The following PCDHA5 variants were observed in gnomAD, a reference collection of about 807,000 sequenced individuals.
PCDHA5 encodes protocadherin alpha 5, also known as protocadherin alpha-5.
Under a neutral mutation model 61.6 loss-of-function variants are expected in PCDHA5, and 43 were observed. The observed-to-expected ratio is 0.70, with a 90% CI of 0.55 to 0.90. PCDHA5 has a LOEUF of 0.90. Ranked by LOEUF, PCDHA5 falls within the 40% of genes least tolerant of loss-of-function variation. The pLI, the probability that PCDHA5 is intolerant of heterozygous loss-of-function variation, is 0.00. For missense variants in PCDHA5, 1,298 were observed against 1,222.7 expected, an observed-to-expected ratio of 1.06 and a Z score of -0.92; for synonymous variants, 627 against 543.9, an observed-to-expected ratio of 1.15 and a Z score of -2.13.
chr5:140,860,136 T>C (rs2150487566), intron 1 of PCDHA5: 1 of 150,532 alleles, frequency 6.6e-6, no homozygotes, highest in East Asian at 2.0e-4. Context: ...TGTGTGTGTA[T>C]ATATATGTAT....
intron 1 of PCDHA5, among the ~76,000 whole-genome samples, chr5:140,888,588 C>G (rs1419931317): frequency 6.6e-6 from 1 of 152,212 alleles, no homozygotes; most frequent in Non-Finnish European, 1.5e-5. Flanking sequence ...TGTTAGTACA[C>G]ATTCAGAGCA....
At chr5:140,899,431 T>C (rs1271468350) in intron 1 of PCDHA5, among the ~76,000 whole-genome samples, 2 of 152,242 alleles carry the variant, frequency 1.3e-5, no homozygotes, top group Non-Finnish European at 2.9e-5. Context: ...AGGTCTTTTC[T>C]GCATCTATTG....
intron 1 of PCDHA5, chr5:140,841,579 G>T: frequency 6.2e-7 from 1 of 1,614,044 alleles, no homozygotes; most frequent in South Asian, 1.1e-5. Context: ...TTTTGTTTGT[G>T]AATTCTCGGA....
At chr5:140,859,674 A>G (rs1480845911) in intron 1 of PCDHA5, 1 of 154,702 alleles carries the variant, frequency 6.5e-6, no homozygotes. Flanking sequence ...ATAGCTTCAA[A>G]TAAAATTAAA....
intron 1 of PCDHA5, chr5:140,857,582 G>T: frequency 6.3e-7 from 1 of 1,596,726 alleles, no homozygotes; most frequent in Non-Finnish European, 8.6e-7. Flanking sequence ...GGTGCACGCG[G>T]AGAGCGGCAA....
Position 140,823,591 on chromosome 5 carries a change from C to G in PCDHA5, c.1816C>G (p.Leu606Val). Reference protein sequence around the residue: ...VDPDSGYNAWLSYELQPAPGS... With the variant: ...VDPDSGYNAWVSYELQPAPGS... ...CCCTGATTCGGGCTACAACGCTTGG[C>G]TTTCGTATGAGCTGCAGCCAGCGCC... Residue 606 changes from leucine to valine, a missense_variant, in exon 1 of 4, where the codon CTT becomes GTT. By Grantham distance (32) the Leu-to-Val change is conservative. Coordinates refer to ENST00000529859, the MANE Select transcript of PCDHA5 (RefSeq NM_018908.3). The G allele has an allele frequency of 6.2e-7, 1 of 1,614,004 alleles. No individual in the cohort carries two copies. The highest frequency in any genetic ancestry group is 8.5e-7 in the Non-Finnish European group (1 of 1,179,928).
At chr5:140,839,269 T>TA (rs1554137370) in intron 1 of PCDHA5, among the ~76,000 whole-genome samples, 3 of 152,098 alleles carry the variant, frequency 2.0e-5, no homozygotes, top group African/African-American at 7.2e-5. Flanking sequence ...CATGTATATT[T>TA]AAAACCTTCC....
intron 1 of PCDHA5, chr5:140,843,360 C>T (rs2150358233): frequency 3.1e-6 from 5 of 1,595,970 alleles, no homozygotes; most frequent in East Asian, 2.2e-5. Context: ...AAAGCGTCAT[C>T]GAGGCAGTCG....
chr5:140,928,592 T>G (rs781970359), intron 1 of PCDHA5: 1 of 1,614,178 alleles, frequency 6.2e-7, no homozygotes, highest in Non-Finnish European at 8.5e-7. Context: ...TCTGTCCCAG[T>G]GGAAATTGTG....
intron 1 of PCDHA5, among the ~76,000 whole-genome samples, chr5:140,886,642 A>T (rs1412113366): frequency 6.6e-6 from 1 of 152,048 alleles, no homozygotes; most frequent in African/African-American, 2.4e-5. Flanking sequence ...CCTGGCCAAC[A>T]TGGTGAAACC....
At chr5:140,825,993 T>TA (rs1348661187) in intron 1 of PCDHA5, 1 of 152,282 alleles carries the variant, frequency 6.6e-6, no homozygotes, top group East Asian at 1.9e-4. Context: ...TTATAGGTAG[T>TA]AAATAGTCCA....
chr5:140,956,009 C>G (rs1479377959), intron 1 of PCDHA5, among the ~76,000 whole-genome samples: 1 of 152,192 alleles, frequency 6.6e-6, no homozygotes, highest in Non-Finnish European at 1.5e-5. Context: ...TATCCTGAGA[C>G]TTTGCTGAAG....
intron 1 of PCDHA5, among the ~76,000 whole-genome samples, chr5:140,890,921 T>G (rs1165166836): frequency 6.6e-6 from 1 of 152,222 alleles, no homozygotes; most frequent in Non-Finnish European, 1.5e-5. Flanking sequence ...ATTTGAGAGT[T>G]TCCTTTAGTC....
intron 1 of PCDHA5, among the ~76,000 whole-genome samples, chr5:140,914,381 T>C (rs192645626): frequency 1.7e-4 from 26 of 152,352 alleles, no homozygotes; most frequent in Admixed American, 2.6e-4. Flanking sequence ...TTATCTGTTA[T>C]AAGTGTAGTT....
chr5:141,002,973 G>A (rs1313247449), intron 3 of PCDHA5, among the ~76,000 whole-genome samples: 2 of 152,216 alleles, frequency 1.3e-5, no homozygotes, highest in African/African-American at 2.4e-5. Flanking sequence ...CCTGAAAATA[G>A]TATCCTTGGT....
chr5:140,976,383 T>G (rs963492291), intron 1 of PCDHA5, among the ~76,000 whole-genome samples: 4 of 152,058 alleles, frequency 2.6e-5, no homozygotes, highest in African/African-American at 9.7e-5. Context: ...AAACCCCATC[T>G]CTACTAAAAA....
intron 1 of PCDHA5, chr5:140,928,441 C>A: frequency 4.3e-6 from 7 of 1,614,140 alleles, no homozygotes; most frequent in Non-Finnish European, 5.9e-6. Context: ...TGACTTTGAG[C>A]AGCTCAGGGG....
intron 1 of PCDHA5, among the ~76,000 whole-genome samples, chr5:140,871,921 A>G (rs1267841761): frequency 6.6e-6 from 1 of 152,296 alleles, no homozygotes; most frequent in African/African-American, 2.4e-5. Flanking sequence ...ATATTTCCAC[A>G]TTGTTAGATC....
At position 140,822,175 on chromosome 5, in the gene PCDHA5, A is replaced by C. The variant is rs2150114299; in HGVS notation, c.400A>C (p.Arg134=). The C allele has an allele frequency of 6.2e-7, 1 of 1,614,258 alleles. No individual in the cohort carries two copies. The highest frequency in any genetic ancestry group is 1.1e-5 in the South Asian group (1 of 91,086). ...DINDNPPRFS[R]QEQRLFILES... is the part of the protein sequence containing the mutation. ...CAATGACAATCCGCCCAGGTTCTCC[A>C]GACAAGAACAAAGATTATTCATTTT... The change falls in exon 1 of 4, where the codon AGA becomes CGA. Residue 134 remains arginine (R), a synonymous_variant. Coordinates refer to ENST00000529859, the MANE Select transcript of PCDHA5 (RefSeq NM_018908.3).
Sources: allele counts gnomAD v4.1 joint callset (sites outside exome capture counted in the v4.1 genomes callset), GRCh38; gene constraint gnomAD v4.1.1; transcripts MANE v1.5; gene names NCBI Gene and HGNC (gene_info 2026-07-23, HGNC 2026-07-21).